CT45A10: variants seen among roughly 807,000 people sequenced by gnomAD.
The protein encoded by CT45A10 is cancer/testis antigen family 45 member A10.
CT45A10 carries 19 observed loss-of-function variants against 8.3 expected under a neutral mutation model. The ratio of observed to expected loss-of-function variants is 2.30; its 90% CI spans 1.61 to 3.38. The LOEUF (loss-of-function observed/expected upper bound fraction) is 3.38. CT45A10 is among the 30% of genes most tolerant of loss of function. The pLI, the probability that CT45A10 is intolerant of heterozygous loss-of-function variation, is 0.00. For missense variants in CT45A10, 149 were observed against 85.9 expected (o/e 1.73, Z -2.90); for synonymous variants, 28 against 26.5 (o/e 1.06, Z -0.17).
rs1186290650 is a variant in CT45A10 at position 135,883,135 on chromosome X, G to A, written c.291C>T (p.Asn97=). 300,406 of 1,196,085 alleles carry A rather than the reference G, an allele frequency of 0.25. 31,332 individuals carry two copies. The highest frequency in any genetic ancestry group is 0.27 in the Non-Finnish European group (237,856 of 885,205). The part of the protein sequence containing the change: ...KPGSNAPVGG[N]VTSNFSGDDL... ...CATCTCCAGAGAAATTGCTGGTAACGTTTCCTCCCACAGGTGCATTGCTAC... is the reference window on the plus strand; with the variant it reads ...CATCTCCAGAGAAATTGCTGGTAACATTTCCTCCCACAGGTGCATTGCTAC... The change falls in exon 3 of 5, where the codon AAC becomes AAT. Residue 97 remains asparagine (N), a synonymous_variant. Transcript: ENST00000682849.
intron 1 of CT45A10, among the ~76,000 whole-genome samples, chrX:135,890,323 A>G (rs782564635): frequency 8.9e-6 from 1 of 112,487 alleles, no homozygotes; most frequent in Non-Finnish European, 1.9e-5. Context: ...GGCCAGCTTG[A>G]GCGATGCAGA....
intron 2 of CT45A10, 100 bp from the exon 3 acceptor site, chrX:135,883,356 T>G: frequency 8.5e-7 from 1 of 1,178,543 alleles, no homozygotes; most frequent in East Asian, 3.0e-5. Context: ...GAAATCAAAC[T>G]GAGAAGTTGA....
intron 1 of CT45A10, among the ~76,000 whole-genome samples, chrX:135,893,073 G>C (rs1259595648): frequency 9.1e-6 from 1 of 109,888 alleles, no homozygotes; most frequent in African/African-American, 3.3e-5. Flanking sequence ...AGCAGGAAAA[G>C]CCCCTCACAT....
Position 135,882,991 on chromosome X carries a change from G to T in CT45A10, c.418+17C>A, listed in dbSNP as rs1218076498. On this transcript the variant is annotated intron_variant, in intron 3 of 4. Transcript: ENST00000682849. ...CTTCCTACAGTTTTATAAAACAGAC[G>T]TTCTTACACTACTTACTTCGTCCAA... 12 of 1,193,939 alleles carry T rather than the reference G, an allele frequency of 1.0e-5. 1 individual carries two copies. In the Admixed American group the frequency reaches 1.8e-4, roughly 18 times the overall value.
intron 1 of CT45A10, among the ~76,000 whole-genome samples, chrX:135,891,827 G>T: frequency 9.0e-6 from 1 of 111,478 alleles, no homozygotes; most frequent in Non-Finnish European, 1.9e-5. Context: ...CATTAAAATT[G>T]TATATGTATT....
chrX:135,883,057 A>C lies in CT45A10; in HGVS notation c.369T>G (p.Asn123Lys). ...ASSPKSQQEI[N>K]ADIKCQVVKE... ...TCACTACTTGACATTTTATATCAGC[A>C]TTAATTTCTTGTTGGCTTTTGGGAG... is the stretch of plus-strand genomic sequence containing the variant. Residue 123 changes from asparagine (N) to lysine (K), a missense_variant, in exon 3 of 5, where the codon AAT becomes AAG. Coordinates refer to ENST00000682849, the MANE Select transcript of CT45A10 (RefSeq NM_001291529.2). 1 of 1,198,727 alleles carries C rather than the reference A, an allele frequency of 8.3e-7. No individual in the cohort carries two copies. Among genetic ancestry groups the C allele is most frequent in the Non-Finnish European group, 1.1e-6 (1 of 885,709 alleles).
chrX:135,889,341 T>C (rs782503856), intron 1 of CT45A10: 1 of 110,319 alleles, frequency 9.1e-6, no homozygotes, highest in East Asian at 2.9e-4. Context: ...TAGCTGGGCA[T>C]GGTGGCGTGT....
At chrX:135,882,690 C>G (rs1440317328) in intron 3 of CT45A10, 61 bp from the exon 4 acceptor site, 48 of 864,146 alleles carry the variant, frequency 5.6e-5, no homozygotes, top group Non-Finnish European at 7.4e-5. Flanking sequence ...AGAAGTGAAT[C>G]TACACCTCAG....
In CT45A10 at chrX:135,883,059, T is replaced by C; in HGVS notation, c.367A>G (p.Asn123Asp). 3 of 1,198,783 alleles carry C rather than the reference T, an allele frequency of 2.5e-6. No individual in the cohort carries two copies. The highest frequency in any genetic ancestry group is 3.6e-5 in the South Asian group (2 of 56,030). Residue 123 changes from asparagine to aspartate, a missense_variant, in exon 3 of 5, where the codon AAT becomes GAT. By Grantham distance (23) the Asn-to-Asp change is conservative. Coordinates refer to ENST00000682849, the MANE Select transcript of CT45A10 (RefSeq NM_001291529.2). Reference protein sequence around the residue: ...ASSPKSQQEINADIKCQVVKE... With the variant: ...ASSPKSQQEIDADIKCQVVKE... ...ACTACTTGACATTTTATATCAGCAT[T>C]AATTTCTTGTTGGCTTTTGGGAGAG... is the stretch of plus-strand genomic sequence containing the variant.
At chrX:135,883,329 C>T in intron 2 of CT45A10, 73 bp from the exon 3 acceptor site, 1 of 1,189,996 alleles carries the variant, frequency 8.4e-7, no homozygotes, top group Non-Finnish European at 1.1e-6. Context: ...ACATAAACCT[C>T]ATGAATGACA....
At chrX:135,882,881 C>T in intron 3 of CT45A10, 127 bp downstream of exon 3, 8 of 777,318 alleles carry the variant, frequency 1.0e-5, no homozygotes, top group Non-Finnish European at 1.5e-5. Context: ...AGAGGAACCA[C>T]CATAAATTAT....
At chrX:135,891,669 C>T (rs781865891) in intron 1 of CT45A10, among the ~76,000 whole-genome samples, 16 of 110,047 alleles carry the variant, frequency 1.5e-4, no homozygotes, top group African/African-American at 4.6e-4. Flanking sequence ...AGAATATTAT[C>T]GTCATGGCAT....
intron 1 of CT45A10, among the ~76,000 whole-genome samples, chrX:135,893,110 C>T (rs2088524835): frequency 9.1e-6 from 1 of 110,285 alleles, no homozygotes; most frequent in Non-Finnish European, 1.9e-5. Flanking sequence ...AAGAAAAGCC[C>T]CCCGGACCCA....
intron 1 of CT45A10, among the ~76,000 whole-genome samples, chrX:135,892,133 C>A (rs1217154871): frequency 9.0e-6 from 1 of 111,009 alleles, no homozygotes; most frequent in Non-Finnish European, 1.9e-5. Flanking sequence ...CCAGCCTGGG[C>A]AATTTGGCAA....
chrX:135,891,399 T>C (rs979999335), intron 1 of CT45A10, among the ~76,000 whole-genome samples: 4 of 107,512 alleles, frequency 3.7e-5, no homozygotes, highest in Admixed American at 1.0e-4. Flanking sequence ...ATATATAGTA[T>C]ATATAATATA....
intron 1 of CT45A10, among the ~76,000 whole-genome samples, chrX:135,892,215 A>T (rs2088511000): frequency 9.0e-6 from 1 of 111,098 alleles, no homozygotes; most frequent in African/African-American, 3.3e-5. Flanking sequence ...CCAGCTACTG[A>T]GGCACGAGAA....
chrX:135,890,309 C>T, intron 1 of CT45A10, among the ~76,000 whole-genome samples: 1 of 112,810 alleles, frequency 8.9e-6, no homozygotes, highest in Non-Finnish European at 1.9e-5. Flanking sequence ...CTGCTGGGAA[C>T]TCTGGCCAGC....
rs2088405893 is a variant in CT45A10 at position 135,883,131 on chromosome X, T to G, written c.295A>C (p.Thr99Pro). 8 of 1,197,429 alleles carry G rather than the reference T, an allele frequency of 6.7e-6. No individual in the cohort carries two copies. The highest frequency in any genetic ancestry group is 9.0e-6 in the Non-Finnish European group (8 of 885,743). Residue 99 changes from threonine to proline, a missense_variant, in exon 3 of 5, where the codon ACC (threonine) becomes CCC (proline). Thr to Pro is a conservative substitution (Grantham distance 38). Transcript: ENST00000682849. ...GSNAPVGGNV[T>P]SNFSGDDLEC... ...AGGTCATCTCCAGAGAAATTGCTGG[T>G]AACGTTTCCTCCCACAGGTGCATTG... is the stretch of plus-strand genomic sequence containing the variant.
intron 1 of CT45A10, among the ~76,000 whole-genome samples, chrX:135,892,839 C>A (rs1273047000): frequency 9.0e-6 from 1 of 111,156 alleles, no homozygotes; most frequent in African/African-American, 3.3e-5. Context: ...AAGGAAGAGT[C>A]CCTCACAGGC....
Sources: allele counts gnomAD v4.1 joint callset (sites outside exome capture counted in the v4.1 genomes callset), GRCh38; gene constraint gnomAD v4.1.1; transcripts MANE v1.5; gene names NCBI Gene and HGNC (gene_info 2026-07-23, HGNC 2026-07-21).